GPR149: variants seen among roughly 807,000 people sequenced by gnomAD.
The protein encoded by GPR149 is G protein-coupled receptor 149.
A neutral mutation model predicts 50.2 loss-of-function variants in GPR149; 50 were observed. That is an observed-to-expected ratio of 1.00 (90% CI 0.79 to 1.26). The LOEUF (loss-of-function observed/expected upper bound fraction) is 1.26, where lower values mean the gene tolerates loss of function less well. GPR149 is among the 50% of genes most tolerant of loss of function. The probability of loss-of-function intolerance (pLI) is 0.00; values close to 1 mark genes in which losing one functional copy is unlikely to be tolerated. For missense variants in GPR149, 983 were observed against 895.4 expected (o/e 1.10, Z -1.25); for synonymous variants, 405 against 358.2 (o/e 1.13, Z -1.48).
In GPR149 at chr3:154,429,428, T is replaced by C. The variant is rs371797962; in HGVS notation, c.188A>G (p.Asn63Ser). Residue 63 changes from asparagine to serine, a missense_variant, in exon 1 of 4, where the codon AAC becomes AGC. Transcript: ENST00000389740. ...YSLISLLKMQNRTVVSMLVAS... is the reference protein window; with the variant it reads ...YSLISLLKMQSRTVVSMLVAS... ...CACAAGCATGGACACAACAGTTCTG[T>C]TCTGCATTTTCAGCAGGGAAATTAG... is the stretch of plus-strand genomic sequence containing the variant. The C allele has an allele frequency of 1.2e-5, 20 of 1,614,020 alleles. No homozygotes were observed. Among genetic ancestry groups the C allele is most frequent in the Non-Finnish European group, 1.7e-5 (20 of 1,180,036 alleles).
chr3:154,359,252 C>T (rs79948694), intron 3 of GPR149, among the ~76,000 whole-genome samples: 1,738 of 152,160 alleles, frequency 0.011, 30 homozygotes, highest in African/African-American at 0.039. Context: ...AGTTTGTATT[C>T]TTGTCAGTGA....
At chr3:154,428,320 C>T (rs1170659071) in intron 1 of GPR149, among the ~76,000 whole-genome samples, 2 of 152,196 alleles carry the variant, frequency 1.3e-5, no homozygotes, top group African/African-American at 4.8e-5. Context: ...TCTGAATACT[C>T]TCTGATTTTG....
chr3:154,398,894 TA>T (rs370088057), intron 3 of GPR149, among the ~76,000 whole-genome samples: 31 of 152,290 alleles, frequency 2.0e-4, no homozygotes, highest in African/African-American at 6.7e-4. Context: ...CAAATTAACG[TA>T]CAAAATGACG....
chr3:154,365,994 C>T (rs1165103628), intron 3 of GPR149, among the ~76,000 whole-genome samples: 1 of 152,274 alleles, frequency 6.6e-6, no homozygotes, highest in East Asian at 1.9e-4. Context: ...CAAGCCTCTA[C>T]CCATTATCTA....
At chr3:154,400,525 A>G (rs1711528090) in intron 3 of GPR149, among the ~76,000 whole-genome samples, 1 of 152,202 alleles carries the variant, frequency 6.6e-6, no homozygotes, top group African/African-American at 2.4e-5. Context: ...CTTTATATGC[A>G]AAGAACTTTA....
chr3:154,404,240 G>T (rs1465667253), intron 3 of GPR149, among the ~76,000 whole-genome samples: 1 of 152,044 alleles, frequency 6.6e-6, no homozygotes, highest in Non-Finnish European at 1.5e-5. Flanking sequence ...GGTGTGTGGT[G>T]GTCACTCACT....
chr3:154,352,483 C>T, intron 3 of GPR149: 1 of 779,282 alleles, frequency 1.3e-6, no homozygotes, highest in Non-Finnish European at 2.4e-6. Flanking sequence ...AGGAGGCACA[C>T]ACTGGTAATC....
At chr3:154,354,317 C>A in intron 3 of GPR149, 1 of 279,378 alleles carries the variant, frequency 3.6e-6, no homozygotes. Context: ...AAGTACAGGT[C>A]TATAATCCCT....
intron 2 of GPR149, among the ~76,000 whole-genome samples, chr3:154,422,810 A>G (rs1226428052): frequency 2.6e-5 from 4 of 151,828 alleles, no homozygotes; most frequent in African/African-American, 9.7e-5. Flanking sequence ...TTCTAGTAAC[A>G]TAGTCAAGTA....
chr3:154,349,665 T>C (rs1040034228), intron 3 of GPR149, among the ~76,000 whole-genome samples: 2 of 152,206 alleles, frequency 1.3e-5, no homozygotes, highest in African/African-American at 4.8e-5. Flanking sequence ...AATAGTTAAG[T>C]AAGGATTAAT....
intron 3 of GPR149, among the ~76,000 whole-genome samples, chr3:154,356,208 T>C (rs1274296850): frequency 6.6e-6 from 1 of 152,164 alleles, no homozygotes; most frequent in African/African-American, 2.4e-5. Flanking sequence ...TGGGCTATGT[T>C]AGTCCATTTT....
rs1277238084 is a variant in GPR149 at position 154,351,248 on chromosome 3, A to ACAATT, written c.1624-12982_1624-12978dup. The stretch of plus-strand genomic sequence containing the variant: ...ACTGACTTTTTACAAAGGTACAAAA[A>ACAATT]CAATTCAATGGAGGAAAGTTAGCCT... On this transcript the variant is annotated intron_variant, in intron 3 of 3. Transcript: ENST00000389740. Among the ~76,000 whole-genome samples the ACAATT allele has an allele frequency of 1.9e-4, 29 of 151,224 alleles. 1 individual carries two copies. In the South Asian group the frequency reaches 2.3e-3, roughly 12 times the overall value.
intron 2 of GPR149, among the ~76,000 whole-genome samples, chr3:154,426,871 C>T (rs1018367089): frequency 3.0e-4 from 43 of 144,434 alleles, no homozygotes; most frequent in Admixed American, 6.9e-5. Context: ...TGGACCAGGG[C>T]GTGTGTGTGT....
At chr3:154,365,192 T>G (rs2108397512) in intron 3 of GPR149, among the ~76,000 whole-genome samples, 1 of 152,270 alleles carries the variant, frequency 6.6e-6, no homozygotes. Context: ...TGATACCTTT[T>G]AACCCCACAG....
intron 3 of GPR149, among the ~76,000 whole-genome samples, chr3:154,396,291 A>T (rs1249084535): frequency 6.6e-6 from 1 of 152,140 alleles, no homozygotes; most frequent in African/African-American, 2.4e-5. Flanking sequence ...TATTTCCATT[A>T]TTAAGAAATT....
chr3:154,427,431 A>T, intron 2 of GPR149, 85 bp downstream of exon 2: 1 of 1,202,762 alleles, frequency 8.3e-7, no homozygotes, highest in Non-Finnish European at 1.2e-6. Flanking sequence ...TCCATCCCCT[A>T]CTGAGGCAAC....
At chr3:154,351,997 C>G (rs543489206) in intron 3 of GPR149, 1 of 281,346 alleles carries the variant, frequency 3.6e-6, no homozygotes, top group African/African-American at 2.2e-5. Context: ...TTGTGAAACA[C>G]TTTTTAAAAA....
chr3:154,362,093 T>C (rs1302672449), intron 3 of GPR149, among the ~76,000 whole-genome samples: 1 of 151,884 alleles, frequency 6.6e-6, no homozygotes, highest in Non-Finnish European at 1.5e-5. Context: ...ATCGAGACCA[T>C]CCTGGCTAAC....
intron 3 of GPR149, among the ~76,000 whole-genome samples, chr3:154,340,000 G>A (rs866027764): frequency 2.0e-5 from 3 of 151,860 alleles, no homozygotes; most frequent in Non-Finnish European, 2.9e-5. Flanking sequence ...CACTGTGTTA[G>A]CCAGGATGGT....
Sources: gnomAD v4.1 joint callset for allele counts (sites outside exome capture counted in the v4.1 genomes callset) on GRCh38, gnomAD v4.1.1 for gene constraint, MANE v1.5 for transcripts, NCBI Gene and HGNC (gene_info 2026-07-23, HGNC 2026-07-21) for gene names.